Variants in CLUH observed in about 807,000 individuals in gnomAD.
The protein encoded by CLUH is CLUH binding protein of NUMT mRNA.
In CLUH, 77 loss-of-function variants were observed where a neutral mutation model predicts 139.3. The observed-to-expected ratio is 0.55, with a 90% CI of 0.46 to 0.67. The LOEUF (loss-of-function observed/expected upper bound fraction) is 0.67, where lower values mean the gene tolerates loss of function less well. CLUH is among the 30% of genes least tolerant of loss of function. The probability of loss-of-function intolerance (pLI) is 0.00; values close to 1 mark genes in which losing one functional copy is unlikely to be tolerated. For missense variants in CLUH, 1,876 were observed against 1,875.8 expected (o/e 1.00, Z 0.00); for synonymous variants, 999 against 801.6 (o/e 1.25, Z -4.16).
In CLUH at chr17:2,707,729, G is replaced by C; in HGVS notation, c.101-3165C>G. 1.0e-6 allele frequency: 1 copy of C among 985,422 alleles called. No individual in the cohort carries two copies. Among genetic ancestry groups the C allele is most frequent in the South Asian group, 4.7e-5 (1 of 21,294 alleles). The allele number at this position is 985,422 out of a possible 1,614,324, so 61.0% of individuals were successfully genotyped here. A position where few individuals can be genotyped will look rare whatever the true frequency, so the allele number is the denominator to read the frequency against. On this transcript the variant is annotated intron_variant, in intron 1 of 25. Coordinates refer to ENST00000651024, the MANE Select transcript of CLUH (RefSeq NM_001366661.1). This position sits in a 1 kb window ranked among gnomAD's most constrained non-coding sequence, Gnocchi z 7.4. Reference sequence around the variant, plus strand: ...GCCGCCAACAGCTGGCACAGACCCGGGTCCAGGCCATAAGGTGGCTGCCTC... The same window carrying C: ...GCCGCCAACAGCTGGCACAGACCCGCGTCCAGGCCATAAGGTGGCTGCCTC...
intron 1 of CLUH, among the ~76,000 whole-genome samples, chr17:2,708,846 C>T (rs907833724): frequency 1.6e-5 from 2 of 127,064 alleles, no homozygotes; most frequent in Admixed American, 8.9e-5. Context: ...CTCGTCCAGG[C>T]CTCAGCCTCT....
Position 2,695,028 on chromosome 17 carries a change from G to A in CLUH, c.2681C>T (p.Pro894Leu). Residue 894 changes from proline (P) to leucine (L), a missense_variant, in exon 16 of 26, where the codon CCC becomes CTC. Around this residue, in one of 3 missense-constraint regions of CLUH, gnomAD observed 1,454 missense variants for 1,384.4 expected, o/e 1.05. Transcript: ENST00000651024. Reference sequence around the variant, plus strand: ...CTCGTCGGCGGGCAGGTGGGCCACGGGGTTTGGGTAGGAGCTCAGGAAGCA... The same window carrying A: ...CTCGTCGGCGGGCAGGTGGGCCACGAGGTTTGGGTAGGAGCTCAGGAAGCA... ...LNCFLSSYPN[P>L]VAHLPADELV... The A allele has an allele frequency of 6.2e-7, 1 of 1,613,602 alleles. No individual in the cohort carries two copies. Among genetic ancestry groups the A allele is most frequent in the South Asian group, 1.1e-5 (1 of 91,064 alleles).
rs140121106 is a variant in CLUH at position 2,699,882 on chromosome 17, G to T, written c.1266+500C>A. ...CCTGACCTTGTGATCCGCCCGCCTC[G>T]GCCTCCCAAAGTGCTGGGATTACAG... On this transcript the variant is annotated intron_variant, in intron 9 of 25. Transcript: ENST00000651024. Among the ~76,000 whole-genome samples, 377 of 151,792 alleles carry T rather than the reference G, an allele frequency of 2.5e-3. 1 individual carries two copies. Among genetic ancestry groups the T allele is most frequent in the African/African-American group, 8.7e-3 (362 of 41,374 alleles).
intron 1 of CLUH, among the ~76,000 whole-genome samples, chr17:2,705,243 C>T (rs2070317958): frequency 6.6e-6 from 1 of 152,112 alleles, no homozygotes; most frequent in Non-Finnish European, 1.5e-5. Context: ...TAGTCACCCA[C>T]CCTAAATCTC....
Position 2,698,002 on chromosome 17 carries a change from C to G in CLUH, c.1855G>C (p.Gly619Arg), listed in dbSNP as rs766504135. 6.3e-7 allele frequency: 1 copy of G among 1,599,390 alleles called. No homozygotes were observed. Among genetic ancestry groups the G allele is most frequent in the African/African-American group, 1.3e-5 (1 of 74,854 alleles). The stretch of plus-strand genomic sequence containing the variant: ...GCGCATTCCTCAGGCAGCTCCTCGC[C>G]AGGCACGGGCAGGAAGTTGAGGTCC... ...PPDLNFLPVP[G>R]EELPEECARA... Residue 619 changes from glycine (G) to arginine (R), a missense_variant, in exon 10 of 26, where the codon GGC (glycine) becomes CGC (arginine). Physicochemically the swap from Gly to Arg is moderately radical, Grantham distance 125. Coordinates refer to ENST00000651024, the MANE Select transcript of CLUH (RefSeq NM_001366661.1).
At position 2,690,483 on chromosome 17, in the gene CLUH, G is replaced by T; in HGVS notation, c.*111C>A. ...ACACGGGGGTGGGGTGGGGTGAGACGTGGAGGAAGAGGGCCTTGCTTCCTC... is the reference window on the plus strand; with the variant it reads ...ACACGGGGGTGGGGTGGGGTGAGACTTGGAGGAAGAGGGCCTTGCTTCCTC... On this transcript the variant is annotated 3_prime_UTR_variant, in exon 26 of 26. Transcript: ENST00000651024. The T allele has an allele frequency of 1.0e-6, 1 of 980,366 alleles. No individual in the cohort carries two copies. The highest frequency in any genetic ancestry group is 2.2e-5 in the South Asian group (1 of 44,910). The allele number at this position is 980,366 out of a possible 1,614,324, so 60.7% of individuals were successfully genotyped here.
At chr17:2,711,512 CTGGT>C in intron 1 of CLUH, 46 bp downstream of exon 1, 1 of 498,554 alleles carries the variant, frequency 2.0e-6, no homozygotes, top group Non-Finnish European at 2.6e-6. Flanking sequence ...CCCGCCCGCC[CTGGT>C]CCGGCGCCCC....
rs555423085 is a variant in CLUH at position 2,695,479 on chromosome 17, C to A, written c.2439G>T (p.Thr813=). Residue 813 remains threonine (T), a synonymous_variant, in exon 14 of 26, where the codon ACG becomes ACT. Transcript: ENST00000651024. Reference sequence around the variant, plus strand: ...CCCGCTGGCGCATCACCTCTGCCAGCGTTGCCCCGTCCACGGGCAGGACCG... The same window carrying A: ...CCCGCTGGCGCATCACCTCTGCCAGAGTTGCCCCGTCCACGGGCAGGACCG... ...EHAVLPVDGA[T]LAEVMRQRGI... is the part of the protein sequence containing the mutation. The A allele has an allele frequency of 1.2e-5, 20 of 1,609,700 alleles. 1 individual carries two copies. The highest frequency in any genetic ancestry group is 8.3e-5 in the Admixed American group (5 of 59,986).
intron 9 of CLUH, among the ~76,000 whole-genome samples, chr17:2,698,956 A>C (rs774532098): frequency 1.1e-4 from 16 of 152,032 alleles, no homozygotes; most frequent in South Asian, 2.1e-4. Context: ...CTGAGGCAGG[A>C]GAATTGCTTG....
chr17:2,696,083 G>T (rs2069929165), intron 13 of CLUH, 76 bp downstream of exon 13: 1 of 1,207,510 alleles, frequency 8.3e-7, no homozygotes, highest in Non-Finnish European at 1.2e-6. Context: ...GTGTTCATGG[G>T]CCTCCAAGTC....
In CLUH at chr17:2,696,476, T is replaced by C; in HGVS notation, c.2248A>G (p.Thr750Ala). Residue 750 changes from threonine to alanine, a missense_variant, in exon 12 of 26, where the codon ACC becomes GCC. Physicochemically the swap from Thr to Ala is moderately conservative, Grantham distance 58. This residue lies in a region of CLUH where 1,454 missense variants were observed against 1,384.4 expected (regional missense o/e 1.05). Transcript: ENST00000651024. ...GGATTGAAGCGAATGTCGAAGGCGG[T>C]GCTGCTGATGGAGCCGACCGCCTTG... ...ACKAVGSISS[T>A]AFDIRFNPDI... 6.3e-7 allele frequency: 1 copy of C among 1,595,332 alleles called. No individual in the cohort carries two copies. Among genetic ancestry groups the C allele is most frequent in the Non-Finnish European group, 8.5e-7 (1 of 1,172,742 alleles).
intron 7 of CLUH, 113 bp downstream of exon 7, chr17:2,701,027 C>T (rs2070158062): frequency 3.8e-6 from 6 of 1,562,036 alleles, no homozygotes; most frequent in Admixed American, 1.8e-5. Flanking sequence ...GGGACTCCAA[C>T]ACTGGGGGCC....
intron 17 of CLUH, 42 bp downstream of exon 17, chr17:2,694,433 CGGGGA>C: frequency 3.9e-5 from 3 of 77,356 alleles, no homozygotes; most frequent in Non-Finnish European, 3.4e-5. Context: ...AGGGACGCAG[CGGGGA>C]CACAGCGGGG....
chr17:2,694,706 C>T (rs997045228), intron 16 of CLUH, 142 bp from the exon 17 acceptor site: 1 of 1,341,732 alleles, frequency 7.5e-7, no homozygotes, highest in Non-Finnish European at 1.0e-6. Flanking sequence ...GCTGCCCTCA[C>T]CCTCCAGCAC....
chr17:2,709,095 C>T lies in CLUH; in HGVS notation c.100+2467G>A, dbSNP rs568701288. ...GCACACCCTTGCCCCGGCCTGGAGG[C>T]GCCGGGAGCTCAAAGGCGGCAGAGA... On this transcript the variant is annotated intron_variant, in intron 1 of 25. Transcript: ENST00000651024. 1.3e-3 allele frequency among the ~76,000 whole-genome samples: 199 copies of T among 152,224 alleles called. 2 individuals carry two copies. In the South Asian group the frequency reaches 0.015, roughly 11 times the overall value.
intron 4 of CLUH, 52 bp downstream of exon 4, chr17:2,701,862 C>T: frequency 6.2e-7 from 1 of 1,608,244 alleles, no homozygotes; most frequent in South Asian, 1.1e-5. Flanking sequence ...AGCCCCCCAC[C>T]TCCGTGCTCC....
At position 2,707,125 on chromosome 17, in the gene CLUH, G is replaced by A. The variant is rs139671591; in HGVS notation, c.101-2561C>T. 5 of 962,102 alleles carry A rather than the reference G, an allele frequency of 5.2e-6. No homozygotes were observed. Among genetic ancestry groups the A allele is most frequent in the African/African-American group, 1.8e-5 (1 of 56,882 alleles). 59.6% of individuals were successfully genotyped at this position (962,102 alleles called of 1,614,324 possible). On this transcript the variant is annotated intron_variant, in intron 1 of 25. Transcript: ENST00000651024. The surrounding 1 kb of genome is among the most constrained non-coding windows in gnomAD (Gnocchi z 7.4). ...CCCCACCCCTGGATGAAGGCTGAGC[G>A]ATCTCCCCCGCAGGCAGCTGGCTGG...
At position 2,697,924 on chromosome 17, in the gene CLUH, C is replaced by A; in HGVS notation, c.1933G>T (p.Glu645Ter). Residue 645 changes from glutamate to a stop codon, truncating the protein, a stop_gained, in exon 10 of 26, where the codon GAG becomes TAG. Coordinates refer to ENST00000651024, the MANE Select transcript of CLUH (RefSeq NM_001366661.1). LOFTEE classifies it high-confidence loss of function. ...HRHKLCCLRQ[E>*]LVDAFVEHRY... ...TGCTCCACGAAGGCGTCCACCAGCTCCTGGCGCAGGCAGCAGAGCTTGTGC... is the reference window on the plus strand; with the variant it reads ...TGCTCCACGAAGGCGTCCACCAGCTACTGGCGCAGGCAGCAGAGCTTGTGC... 2 of 1,532,248 alleles carry A rather than the reference C, an allele frequency of 1.3e-6. No individual in the cohort carries two copies. Among genetic ancestry groups the A allele is most frequent in the Non-Finnish European group, 1.8e-6 (2 of 1,141,602 alleles). 94.9% of individuals were successfully genotyped at this position (1,532,248 alleles called of 1,614,324 possible). A position where few individuals can be genotyped will look rare whatever the true frequency, so the allele number is the denominator to read the frequency against.
chr17:2,693,830 G>C, intron 19 of CLUH, 70 bp downstream of exon 19: 1 of 1,528,068 alleles, frequency 6.5e-7, no homozygotes, highest in Non-Finnish European at 8.8e-7. Context: ...CCACTCCTCC[G>C]TCAGGGGCCC....
Sources: gnomAD v4.1 joint callset for allele counts (sites outside exome capture counted in the v4.1 genomes callset) on GRCh38, gnomAD v4.1.1 for gene constraint, gnomAD v4.1.1 regional missense constraint, Gnocchi (gnomAD v3.1) non-coding constraint, MANE v1.5 for transcripts, NCBI Gene and HGNC (gene_info 2026-07-23, HGNC 2026-07-21) for gene names.